The following PKIB variants were observed in gnomAD, a reference collection of about 807,000 sequenced individuals.
The protein encoded by PKIB is cAMP-dependent protein kinase inhibitor beta.
Under a neutral mutation model 4.5 loss-of-function variants are expected in PKIB, and 2 were observed. That is an observed-to-expected ratio of 0.44 (90% CI 0.18 to 1.39). The LOEUF is 1.39. Among genes scored for constraint, PKIB ranks in the 40% most tolerant of loss-of-function variants. The pLI is 0.27. For missense variants in PKIB, 94 were observed against 92.6 expected, an observed-to-expected ratio of 1.02 and a Z score of -0.06; for synonymous variants, 38 against 36.0, an observed-to-expected ratio of 1.06 and a Z score of -0.20.
intron 2 of PKIB, among the ~76,000 whole-genome samples, chr6:122,534,841 T>C (rs1360821853): frequency 3.3e-5 from 5 of 152,014 alleles, no homozygotes. Flanking sequence ...GAATTAAAAG[T>C]ATTGATATTA....
chr6:122,506,047 A>G (rs544136868), intron 2 of PKIB, among the ~76,000 whole-genome samples: 1 of 152,308 alleles, frequency 6.6e-6, no homozygotes, highest in South Asian at 2.1e-4. Context: ...TAAGGCTAAA[A>G]ATAAATCTTT....
In PKIB at chr6:122,488,161, A is replaced by G. The variant is rs1016356595; in HGVS notation, c.-248+10222A>G. ...ATTTTCTCATTTCATCATTCTTTCTACATTTAACTTGCATTTGGCTGGAAG... is the reference window on the plus strand; with the variant it reads ...ATTTTCTCATTTCATCATTCTTTCTGCATTTAACTTGCATTTGGCTGGAAG... On this transcript the variant is annotated intron_variant, in intron 2 of 6. Coordinates refer to the PKIB transcript ENST00000392491. Among the ~76,000 whole-genome samples the G allele has an allele frequency of 7.2e-5, 11 of 152,000 alleles. No individual in the cohort carries two copies. The South Asian group carries it at 2.3e-3, about 32-fold the overall frequency.
intron 2 of PKIB, among the ~76,000 whole-genome samples, chr6:122,663,278 T>A (rs1446150445): frequency 6.6e-6 from 1 of 152,178 alleles, no homozygotes; most frequent in African/African-American, 2.4e-5. Context: ...GGCTACACAT[T>A]TAGGGATGCT....
chr6:122,715,841 G>T (rs767102516), intron 3 of PKIB, among the ~76,000 whole-genome samples: 4 of 151,920 alleles, frequency 2.6e-5, no homozygotes, highest in Non-Finnish European at 5.9e-5. Context: ...AATCCATTTC[G>T]TGTTGCTTTC....
At chr6:122,701,373 C>A in intron 3 of PKIB, 1 of 1,337,608 alleles carries the variant, frequency 7.5e-7, no homozygotes. Flanking sequence ...GAGCTCTAGC[C>A]TGAGCTCTGG....
intron 2 of PKIB, among the ~76,000 whole-genome samples, chr6:122,565,079 A>C (rs1773145217): frequency 6.6e-6 from 1 of 152,202 alleles, no homozygotes; most frequent in Non-Finnish European, 1.5e-5. Context: ...ATGGTTTGTA[A>C]GTGGCACCGA....
At chr6:122,611,713 T>G (rs1289471584) in intron 1 of PKIB, among the ~76,000 whole-genome samples, 1 of 152,154 alleles carries the variant, frequency 6.6e-6, no homozygotes, top group Non-Finnish European at 1.5e-5. Context: ...CTCCTGGGAT[T>G]TTATATTTAG....
Position 122,725,418 on chromosome 6 carries a change from A to G in PKIB, c.*223A>G. 1 of 508,660 alleles carries G rather than the reference A, an allele frequency of 2.0e-6. No homozygotes were observed. The highest frequency in any genetic ancestry group is 3.6e-6 in the Non-Finnish European group (1 of 279,486). 31.5% of individuals were successfully genotyped at this position (508,660 alleles called of 1,614,324 possible). Reference sequence around the variant, plus strand: ...GGTTACTTCCAAATCGCACTGAAGGAAAAGGTTAAGAATAATACATGATCA... The same window carrying G: ...GGTTACTTCCAAATCGCACTGAAGGGAAAGGTTAAGAATAATACATGATCA... On this transcript the variant is annotated 3_prime_UTR_variant, in exon 5 of 5. Transcript: ENST00000368452.
intron 3 of PKIB, among the ~76,000 whole-genome samples, chr6:122,711,965 G>T (rs941059191): frequency 8.6e-5 from 13 of 152,014 alleles, no homozygotes; most frequent in Non-Finnish European, 1.9e-4. Context: ...CAAAGGTAGG[G>T]TTCCCTTTGA....
intron 2 of PKIB, among the ~76,000 whole-genome samples, chr6:122,486,107 T>C (rs2114527377): frequency 6.6e-6 from 1 of 152,208 alleles, no homozygotes; most frequent in Non-Finnish European, 1.5e-5. Context: ...TAAAAACAAA[T>C]GTAGCTGATA....
chr6:122,575,720 C>T (rs995539170), intron 2 of PKIB, among the ~76,000 whole-genome samples: 11 of 152,010 alleles, frequency 7.2e-5, no homozygotes, highest in South Asian at 2.1e-4. Context: ...TAAGCTACAA[C>T]GATGCAAAGG....
intron 3 of PKIB, among the ~76,000 whole-genome samples, chr6:122,678,067 C>A (rs1777756367): frequency 6.6e-6 from 1 of 151,992 alleles, no homozygotes; most frequent in Admixed American, 6.6e-5. Context: ...ACCACCATGC[C>A]CGGCTAATTT....
chr6:122,524,080 A>G (rs1777025400), intron 2 of PKIB, among the ~76,000 whole-genome samples: 1 of 151,910 alleles, frequency 6.6e-6, no homozygotes, highest in South Asian at 2.1e-4. Flanking sequence ...AGGGATATTG[A>G]TCTATAGATT....
At chr6:122,712,545 C>G (rs1369776382) in intron 3 of PKIB, among the ~76,000 whole-genome samples, 2 of 152,136 alleles carry the variant, frequency 1.3e-5, no homozygotes, top group Non-Finnish European at 2.9e-5. Flanking sequence ...GTCCATTTGT[C>G]AGTCTCTCCT....
At chr6:122,539,674 A>G (rs752151416) in intron 2 of PKIB, among the ~76,000 whole-genome samples, 1 of 152,034 alleles carries the variant, frequency 6.6e-6, no homozygotes, top group Non-Finnish European at 1.5e-5. Context: ...AGGCTTTGGT[A>G]TGAGGATGAT....
At chr6:122,592,090 T>TA (rs1300590001) in intron 3 of PKIB, among the ~76,000 whole-genome samples, 4 of 151,864 alleles carry the variant, frequency 2.6e-5, no homozygotes, top group Non-Finnish European at 5.9e-5. Flanking sequence ...TCAATTTCAG[T>TA]AAACACAGCT....
chr6:122,513,867 A>G (rs1223272972), intron 2 of PKIB, among the ~76,000 whole-genome samples: 1 of 152,184 alleles, frequency 6.6e-6, no homozygotes. Context: ...CATTTTCTTT[A>G]TCCGTAGATA....
intron 2 of PKIB, among the ~76,000 whole-genome samples, chr6:122,563,538 C>G (rs1403530080): frequency 6.6e-6 from 1 of 151,894 alleles, no homozygotes; most frequent in African/African-American, 2.4e-5. Flanking sequence ...AGATTAATAC[C>G]CTTTGTCTTC....
chr6:122,579,987 A>C lies in PKIB; in HGVS notation c.-247-5934A>C, dbSNP rs1478959089. Among the ~76,000 whole-genome samples the C allele has an allele frequency of 5.3e-5, 8 of 152,182 alleles. No homozygotes were observed. In the East Asian group the frequency reaches 1.5e-3, roughly 29 times the overall value. On this transcript the variant is annotated intron_variant, in intron 2 of 6. Transcript: ENST00000392491. ...TCTAAGATTATTAAAAATAGGTCTT[A>C]AGGTGCTTTCTATTCAGTAAAATTA...
Sources: allele counts gnomAD v4.1 joint callset (sites outside exome capture counted in the v4.1 genomes callset), GRCh38; gene constraint gnomAD v4.1.1; transcripts MANE v1.5; gene names NCBI Gene and HGNC (gene_info 2026-07-23, HGNC 2026-07-21).